The following SMYD3 variants were observed in gnomAD, a reference collection of about 807,000 sequenced individuals.
SMYD3 encodes the protein histone-lysine N-methyltransferase SMYD3.
SMYD3 carries 36 observed loss-of-function variants against 57.7 expected under a neutral mutation model. The observed-to-expected ratio is 0.62, with a 90% CI of 0.48 to 0.82. The LOEUF (loss-of-function observed/expected upper bound fraction) is 0.82, where lower values mean the gene tolerates loss of function less well. Ranked by LOEUF, SMYD3 falls within the 40% of genes least tolerant of loss-of-function variation. The pLI is 0.00. For missense variants in SMYD3, 515 were observed against 538.8 expected (o/e 0.96, Z 0.44); for synonymous variants, 211 against 195.0 (o/e 1.08, Z -0.68).
intron 5 of SMYD3, among the ~76,000 whole-genome samples, chr1:246,115,688 G>A (rs988316703): frequency 3.9e-5 from 6 of 152,152 alleles, no homozygotes; most frequent in Non-Finnish European, 8.8e-5. Context: ...TGAGGTCACT[G>A]ATGACAGAAA....
chr1:246,428,744 GCA>G (rs1241537640), intron 1 of SMYD3, among the ~76,000 whole-genome samples: 2 of 152,082 alleles, frequency 1.3e-5, no homozygotes, highest in Non-Finnish European at 2.9e-5. Flanking sequence ...TCAAACCCGC[GCA>G]ATCTAGACCA....
intron 5 of SMYD3, among the ~76,000 whole-genome samples, chr1:246,047,691 C>T (rs2059992939): frequency 6.6e-6 from 1 of 151,952 alleles, no homozygotes; most frequent in African/African-American, 2.4e-5. Flanking sequence ...ACAAAAAAAT[C>T]AGCCAGGCAT....
chr1:245,869,132 T>A (rs2052035137), intron 8 of SMYD3, among the ~76,000 whole-genome samples: 1 of 152,142 alleles, frequency 6.6e-6, no homozygotes, highest in South Asian at 2.1e-4. Context: ...TTTTACCACA[T>A]AAAAGGAGCT....
Position 246,459,941 on chromosome 1 carries a change from C to G in SMYD3, c.164+47113G>C, listed in dbSNP as rs567310200. ...CCCAAAAAAAAAAAAAAAAAAAAAGCCACAAAGAAAGAAGCAGGGATGAAA... is the reference window on the plus strand; with the variant it reads ...CCCAAAAAAAAAAAAAAAAAAAAAGGCACAAAGAAAGAAGCAGGGATGAAA... On this transcript the variant is annotated intron_variant, in intron 1 of 11. Transcript: ENST00000490107. Among the ~76,000 whole-genome samples, 19 of 119,304 alleles carry G rather than the reference C, an allele frequency of 1.6e-4. No homozygotes were observed. The East Asian group carries it at 4.5e-3, about 28-fold the overall frequency. 78.3% of individuals were successfully genotyped at this position (119,304 alleles called of 152,430 possible). A position where few individuals can be genotyped will look rare whatever the true frequency, so the allele number is the denominator to read the frequency against.
In SMYD3 at chr1:246,168,009, C is replaced by T. The variant is rs185840387; in HGVS notation, c.531+159192G>A. Among the ~76,000 whole-genome samples, 12 of 152,288 alleles carry T rather than the reference C, an allele frequency of 7.9e-5. No homozygotes were observed. In the East Asian group the frequency reaches 2.1e-3, roughly 27 times the overall value. On this transcript the variant is annotated intron_variant, in intron 5 of 11. Transcript: ENST00000490107. ...TCTTCTCTATGCATACTCCTTTAAACAGACAAAACGCAAAACAGTGCGGTG... is the reference window on the plus strand; with the variant it reads ...TCTTCTCTATGCATACTCCTTTAAATAGACAAAACGCAAAACAGTGCGGTG...
chr1:246,261,363 GT>G (rs201917375), intron 5 of SMYD3, among the ~76,000 whole-genome samples: 19,781 of 142,048 alleles, frequency 0.14, 1,830 homozygotes, highest in East Asian at 0.35. Flanking sequence ...AGCTCTCTTT[GT>G]TTTTTTTTTT....
rs1162466539 is a variant in SMYD3, at chr1:246,335,445, T to C, written c.258A>G (p.Glu86=). 14 of 1,614,058 alleles carry C rather than the reference T, an allele frequency of 8.7e-6. No individual in the cohort carries two copies. The highest frequency in any genetic ancestry group is 1.3e-5 in the African/African-American group (1 of 74,936). ...GTTTGCAGCTTTTAAGGCATTTGCATTCCCGCTTGTGGTCTGGCCAAGCTT... is the reference window on the plus strand; with the variant it reads ...GTTTGCAGCTTTTAAGGCATTTGCACTCCCGCTTGTGGTCTGGCCAAGCTT... ...QKKAWPDHKR[E]CKCLKSCKPR... Residue 86 remains glutamate, a synonymous_variant, in exon 3 of 12, where the codon GAA becomes GAG. Transcript: ENST00000490107.
At chr1:245,903,865 A>T (rs946099093) in intron 8 of SMYD3, among the ~76,000 whole-genome samples, 1 of 151,802 alleles carries the variant, frequency 6.6e-6, no homozygotes, top group Non-Finnish European at 1.5e-5. Flanking sequence ...CCATAAAACC[A>T]TTTTTTACCT....
At chr1:246,348,967 A>T (rs925948257) in intron 2 of SMYD3, among the ~76,000 whole-genome samples, 5 of 152,146 alleles carry the variant, frequency 3.3e-5, no homozygotes, top group African/African-American at 1.2e-4. Flanking sequence ...AAAAATTACT[A>T]ATCTAGAATT....
chr1:245,793,282 T>C (rs559664941), intron 10 of SMYD3, among the ~76,000 whole-genome samples: 74 of 151,866 alleles, frequency 4.9e-4, no homozygotes, highest in South Asian at 2.9e-3. Flanking sequence ...GCACTCCAGC[T>C]TGGGCGAGAC....
intron 1 of SMYD3, among the ~76,000 whole-genome samples, chr1:246,360,049 T>C (rs1411958498): frequency 6.6e-6 from 1 of 152,176 alleles, no homozygotes; most frequent in African/African-American, 2.4e-5. Context: ...GATATGATTG[T>C]ATACCTAGAA....
At chr1:246,492,535 C>T (rs1234161531) in intron 1 of SMYD3, among the ~76,000 whole-genome samples, 1 of 152,156 alleles carries the variant, frequency 6.6e-6, no homozygotes, top group Non-Finnish European at 1.5e-5. Context: ...CCAGACACAG[C>T]AAGAGTCATT....
At chr1:246,146,599 C>T (rs768347848) in intron 5 of SMYD3, among the ~76,000 whole-genome samples, 6 of 152,110 alleles carry the variant, frequency 3.9e-5, no homozygotes, top group Non-Finnish European at 5.9e-5. Context: ...AACAGAAGAC[C>T]GTCCTGGGGG....
intron 1 of SMYD3, among the ~76,000 whole-genome samples, chr1:246,462,548 C>T (rs995856613): frequency 6.6e-6 from 1 of 152,170 alleles, no homozygotes; most frequent in Non-Finnish European, 1.5e-5. Flanking sequence ...TGTCAGATCA[C>T]CCCATCTCTG....
intron 5 of SMYD3, among the ~76,000 whole-genome samples, chr1:246,118,267 T>C (rs2061372354): frequency 6.6e-6 from 1 of 152,290 alleles, no homozygotes; most frequent in East Asian, 1.9e-4. Context: ...AAATGATACC[T>C]TTAAGGTTAT....
At chr1:246,121,334 G>C (rs2061421506) in intron 5 of SMYD3, among the ~76,000 whole-genome samples, 1 of 148,096 alleles carries the variant, frequency 6.8e-6, no homozygotes, top group Admixed American at 6.8e-5. Flanking sequence ...CTGATGGTCG[G>C]TCCTCTCTCA....
chr1:246,102,623 C>G (rs1270752133), intron 5 of SMYD3, among the ~76,000 whole-genome samples: 1 of 151,828 alleles, frequency 6.6e-6, no homozygotes, highest in Non-Finnish European at 1.5e-5. Flanking sequence ...TAACAGTATT[C>G]TAGGCCAGGC....
rs542099517 is a variant in SMYD3 at position 246,033,750 on chromosome 1, G to A, written c.532-103813C>T. 3.9e-5 allele frequency among the ~76,000 whole-genome samples: 6 copies of A among 152,242 alleles called. No homozygotes were observed. In the South Asian group the frequency reaches 1.0e-3, roughly 26 times the overall value. ...TGCAGTGAGCCAAGATCACGCTACC[G>A]CACTCCAGCCTGGGCAACAGAGTGA... On this transcript the variant is annotated intron_variant, in intron 5 of 11. Coordinates refer to ENST00000490107, the MANE Select transcript of SMYD3 (RefSeq NM_001167740.2).
At chr1:246,348,060 T>TTATATA (rs200573424) in intron 2 of SMYD3, among the ~76,000 whole-genome samples, 3 of 82,976 alleles carry the variant, frequency 3.6e-5, no homozygotes, top group African/African-American at 8.5e-5. Flanking sequence ...AAAGAAAACG[T>TTATATA]TATATATATA....
Sources: gnomAD v4.1 joint callset for allele counts (sites outside exome capture counted in the v4.1 genomes callset) on GRCh38, gnomAD v4.1.1 for gene constraint, MANE v1.5 for transcripts, NCBI Gene and HGNC (gene_info 2026-07-23, HGNC 2026-07-21) for gene names.